LYPD6B: variants seen among roughly 807,000 people sequenced by gnomAD.
The protein encoded by LYPD6B is LY6/PLAUR domain containing 6B, also known as ly6/PLAUR domain-containing protein 6B.
Under a neutral mutation model 22.8 loss-of-function variants are expected in LYPD6B, and 17 were observed. The ratio of observed to expected loss-of-function variants is 0.75; its 90% CI spans 0.51 to 1.12. The LOEUF (loss-of-function observed/expected upper bound fraction) is 1.12. LYPD6B is among the 50% of genes most tolerant of loss of function. The pLI is 0.00. For missense variants in LYPD6B, 221 were observed against 258.3 expected (o/e 0.86, Z 0.99); for synonymous variants, 106 against 91.6 (o/e 1.16, Z -0.90).
intron 1 of LYPD6B, among the ~76,000 whole-genome samples, chr2:149,041,621 A>G (rs900825125): frequency 6.6e-6 from 1 of 152,168 alleles, no homozygotes; most frequent in African/African-American, 2.4e-5. Context: ...TTGGGCTGTT[A>G]GGTAGGCAAC....
At chr2:149,188,518 T>C (rs1408463880) in intron 3 of LYPD6B, 1 of 154,178 alleles carries the variant, frequency 6.5e-6, no homozygotes, top group East Asian at 1.9e-4. Context: ...TGAATAAATA[T>C]TGCCTTTGAG....
chr2:149,095,166 G>A (rs1685847159), intron 1 of LYPD6B, among the ~76,000 whole-genome samples: 1 of 152,132 alleles, frequency 6.6e-6, no homozygotes, highest in Non-Finnish European at 1.5e-5. Flanking sequence ...GATGGTGGCA[G>A]GTGCCTGTAA....
chr2:149,114,553 A>T (rs1217375620), intron 1 of LYPD6B, among the ~76,000 whole-genome samples: 1 of 152,164 alleles, frequency 6.6e-6, no homozygotes, highest in Non-Finnish European at 1.5e-5. Flanking sequence ...GAAATGTTGA[A>T]ATTTGAAGTT....
intron 3 of LYPD6B, among the ~76,000 whole-genome samples, chr2:149,184,471 C>T (rs1691961951): frequency 6.6e-6 from 1 of 152,128 alleles, no homozygotes; most frequent in African/African-American, 2.4e-5. Flanking sequence ...CATGAGCTAC[C>T]ATTGCCAAAA....
chr2:149,159,713 T>C lies in LYPD6B; in HGVS notation c.6-1051T>C, dbSNP rs368580001. On this transcript the variant is annotated intron_variant, in intron 2 of 6. Transcript: ENST00000409642. ...TGGGGCTTGGCAAGTATGAGATTCA[T>C]AGGGCAGGCTACCAGGTTGGAGATC... Among the ~76,000 whole-genome samples, 129 of 151,990 alleles carry C rather than the reference T, an allele frequency of 8.5e-4. 1 individual carries two copies. In the South Asian group the frequency reaches 0.027, roughly 31 times the overall value.
chr2:149,111,743 C>A (rs1260913479), intron 1 of LYPD6B, among the ~76,000 whole-genome samples: 2 of 151,916 alleles, frequency 1.3e-5, no homozygotes, highest in Non-Finnish European at 2.9e-5. Flanking sequence ...CTGGATGAGA[C>A]CACATAGAAA....
chr2:149,079,803 G>A (rs764548212), intron 1 of LYPD6B, among the ~76,000 whole-genome samples: 7 of 152,128 alleles, frequency 4.6e-5, no homozygotes, highest in Non-Finnish European at 7.3e-5. Flanking sequence ...CTTTAGACAG[G>A]AGCATCTTAA....
intron 3 of LYPD6B, among the ~76,000 whole-genome samples, chr2:149,174,608 A>G (rs1559052780): frequency 2.0e-5 from 3 of 152,128 alleles, no homozygotes; most frequent in Admixed American, 2.0e-4. Flanking sequence ...GTTGAATTTT[A>G]TCAAAGGCCT....
At chr2:149,080,502 G>A (rs2105392304) in intron 1 of LYPD6B, among the ~76,000 whole-genome samples, 1 of 152,286 alleles carries the variant, frequency 6.6e-6, no homozygotes. Flanking sequence ...GATGTAGCAG[G>A]CTGTTCTATT....
chr2:149,067,547 A>G (rs1009919764), intron 1 of LYPD6B, among the ~76,000 whole-genome samples: 1 of 146,030 alleles, frequency 6.8e-6, no homozygotes, highest in Non-Finnish European at 1.5e-5. Flanking sequence ...TTCTGTGTAT[A>G]ATTTTTTAAA....
chr2:149,058,782 G>C (rs982396494), intron 1 of LYPD6B, among the ~76,000 whole-genome samples: 8 of 152,196 alleles, frequency 5.3e-5, no homozygotes, highest in Non-Finnish European at 8.8e-5. Flanking sequence ...ACGACGCCCA[G>C]CTAATTTTTG....
intron 1 of LYPD6B, among the ~76,000 whole-genome samples, chr2:149,056,703 G>A (rs1683811862): frequency 6.6e-6 from 1 of 152,106 alleles, no homozygotes; most frequent in South Asian, 2.1e-4. Context: ...GGCAATCTGT[G>A]TACAGCCCAC....
chr2:149,059,612 G>C (rs1683978229), intron 1 of LYPD6B, among the ~76,000 whole-genome samples: 1 of 152,206 alleles, frequency 6.6e-6, no homozygotes. Context: ...TTACGGCGTT[G>C]TTCCGTTCAC....
At chr2:149,154,127 C>A (rs959797279) in intron 2 of LYPD6B, 2 of 627,546 alleles carry the variant, frequency 3.2e-6, no homozygotes, top group Non-Finnish European at 3.9e-6. Context: ...CATCCCCCCA[C>A]CCCCCAAAAA....
chr2:149,043,010 T>A (rs1204546608), intron 1 of LYPD6B, among the ~76,000 whole-genome samples: 1 of 152,214 alleles, frequency 6.6e-6, no homozygotes, highest in Non-Finnish European at 1.5e-5. Flanking sequence ...TACCAGGTCA[T>A]GAGAAATAAA....
intron 3 of LYPD6B, among the ~76,000 whole-genome samples, chr2:149,192,040 G>A (rs1692527126): frequency 1.3e-5 from 2 of 152,198 alleles, no homozygotes; most frequent in African/African-American, 4.8e-5. Flanking sequence ...CCATTCTCTG[G>A]GGAGCTTGCA....
At chr2:149,192,817 T>C (rs1692579322) in intron 3 of LYPD6B, among the ~76,000 whole-genome samples, 1 of 152,182 alleles carries the variant, frequency 6.6e-6, no homozygotes, top group Non-Finnish European at 1.5e-5. Context: ...CAAATTGATC[T>C]GCCTCAGAGC....
At position 149,120,381 on chromosome 2, in the gene LYPD6B, A is replaced by ATT. The variant is rs1256956846; in HGVS notation, c.-66-10501_-66-10500insTT. On this transcript the variant is annotated intron_variant, in intron 1 of 6. Coordinates refer to ENST00000409642, the MANE Select transcript of LYPD6B (RefSeq NM_177964.5). ...TGTGTGTATATATATATATATATAT[A>ATT]TATTTTTTTTTTTTTTTTTTTGAGA... Among the ~76,000 whole-genome samples the ATT allele has an allele frequency of 1.9e-3, 81 of 43,490 alleles. 1 individual carries two copies. The highest frequency in any genetic ancestry group is 9.6e-3 in the East Asian group (6 of 622). 28.5% of individuals were successfully genotyped at this position (43,490 alleles called of 152,430 possible).
At chr2:149,202,345 C>T (rs1015352520) in intron 3 of LYPD6B, among the ~76,000 whole-genome samples, 5 of 152,278 alleles carry the variant, frequency 3.3e-5, no homozygotes, top group East Asian at 1.9e-4. Flanking sequence ...TCCCCTCCTT[C>T]GTGTTCCAGC....
Sources: allele counts gnomAD v4.1 joint callset (sites outside exome capture counted in the v4.1 genomes callset), GRCh38; gene constraint gnomAD v4.1.1; transcripts MANE v1.5; gene names NCBI Gene and HGNC (gene_info 2026-07-23, HGNC 2026-07-21).